The following COPA variants were observed in gnomAD, a reference collection of about 807,000 sequenced individuals.
COPA encodes coatomer subunit alpha.
In COPA, 10 loss-of-function variants were observed where a neutral mutation model predicts 158.7. The ratio of observed to expected loss-of-function variants is 0.06; its 90% CI spans 0.04 to 0.11. The LOEUF (loss-of-function observed/expected upper bound fraction) is 0.11, where lower values mean the gene tolerates loss of function less well. COPA is among the 10% of genes least tolerant of loss of function. The pLI, the probability that COPA is intolerant of heterozygous loss-of-function variation, is 1.00. For synonymous variants in COPA, 462 were observed against 542.8 expected, an observed-to-expected ratio of 0.85 and a Z score of 2.07; for missense variants, 1,065 against 1,536.7, an observed-to-expected ratio of 0.69 and a Z score of 5.13.
chr1:160,294,468 T>A lies in COPA; in HGVS notation c.2676+16A>T, dbSNP rs1394242285. 1.2e-6 allele frequency: 2 copies of A among 1,609,804 alleles called. No homozygotes were observed. The highest frequency in any genetic ancestry group is 8.5e-7 in the Non-Finnish European group (1 of 1,176,236). Reference sequence around the variant, plus strand: ...AGATACGGAGAGAACCTTCTAAGGGTACAAATTCCACATACCAGCTCAGGA... The same window carrying A: ...AGATACGGAGAGAACCTTCTAAGGGAACAAATTCCACATACCAGCTCAGGA... On this transcript the variant is annotated intron_variant, in intron 25 of 32. Transcript: ENST00000241704.
intron 6 of COPA, among the ~76,000 whole-genome samples, chr1:160,329,886 CT>C (rs1647422277): frequency 6.6e-6 from 1 of 152,058 alleles, no homozygotes; most frequent in East Asian, 1.9e-4. Context: ...GCTGAGGCAG[CT>C]GGATCACTTG....
At chr1:160,290,264 G>T in intron 32 of COPA, 48 bp from the exon 33 acceptor site, 1 of 1,604,504 alleles carries the variant, frequency 6.2e-7, no homozygotes, top group Non-Finnish European at 8.5e-7. Flanking sequence ...GTAAGATTGA[G>T]AACCCTAGAA....
chr1:160,293,577 C>A, intron 25 of COPA, 114 bp from the exon 26 acceptor site: 2 of 770,200 alleles, frequency 2.6e-6, no homozygotes, highest in Non-Finnish European at 4.1e-6. Context: ...ACACTGCAAC[C>A]TCTGCCTCCC....
chr1:160,308,290 A>G (rs966597406), intron 13 of COPA, among the ~76,000 whole-genome samples: 2 of 152,200 alleles, frequency 1.3e-5, no homozygotes, highest in African/African-American at 4.8e-5. Flanking sequence ...TACCAAATAC[A>G]AATATCTTTT....
chr1:160,332,810 T>C (rs1046484291), intron 5 of COPA, among the ~76,000 whole-genome samples: 32 of 152,228 alleles, frequency 2.1e-4, no homozygotes, highest in African/African-American at 7.2e-4. Context: ...TACATAGCTC[T>C]TCTCTCAAAA....
At chr1:160,327,263 G>A (rs556383283) in intron 6 of COPA, among the ~76,000 whole-genome samples, 4 of 152,164 alleles carry the variant, frequency 2.6e-5, no homozygotes, top group East Asian at 3.9e-4. Context: ...AAGGCTGGGC[G>A]CAGTGGCTCA....
rs1443823199 is a variant in COPA, at chr1:160,335,350, A to T, written c.229-28T>A. The T allele has an allele frequency of 3.8e-6, 6 of 1,591,018 alleles. No homozygotes were observed. The Admixed American group carries it at 8.7e-5, about 23-fold the overall frequency. ...GCAAAGACAAATCAAACTAAGAAAC[A>T]GAAATAGTTATTGAGCCTCTAAAAG... is the stretch of plus-strand genomic sequence containing the variant. On this transcript the variant is annotated intron_variant, in intron 3 of 32. Coordinates refer to ENST00000241704, the MANE Select transcript of COPA (RefSeq NM_004371.4).
At chr1:160,337,235 G>A (rs1252649356) in intron 3 of COPA, among the ~76,000 whole-genome samples, 1 of 152,104 alleles carries the variant, frequency 6.6e-6, no homozygotes, top group African/African-American at 2.4e-5. Flanking sequence ...AACTTATAGG[G>A]GTTTTAGATG....
Position 160,314,068 on chromosome 1 carries a change from G to A in COPA, c.764C>T (p.Ala255Val), listed in dbSNP as rs1283789812. 2 of 1,613,716 alleles carry A rather than the reference G, an allele frequency of 1.2e-6. No individual in the cohort carries two copies. The highest frequency in any genetic ancestry group is 2.2e-5 in the East Asian group (1 of 44,854). Residue 255 changes from alanine (A) to valine (V), a missense_variant, in exon 9 of 33, where the codon GCC (alanine) becomes GTC (valine). This residue lies in a region of COPA where 980 missense variants were observed against 1,357.8 expected (regional missense o/e 0.72). Transcript: ENST00000241704. Reference protein sequence around the residue: ...CRGHYNNVSCAVFHPRQELIL... With the variant: ...CRGHYNNVSCVVFHPRQELIL... ...CAACTCTTGGCGAGGGTGGAAGACG[G>A]CACAAGATACATTGTTGTAATGGCC...
chr1:160,318,476 A>AAC (rs1659221480), intron 8 of COPA, among the ~76,000 whole-genome samples: 2 of 77,426 alleles, frequency 2.6e-5, no homozygotes, highest in Non-Finnish European at 4.4e-5. Flanking sequence ...TGTAAAAAAA[A>AAC]AAAAAAAAAA....
intron 3 of COPA, among the ~76,000 whole-genome samples, chr1:160,335,649 C>A (rs773982526): frequency 5.3e-5 from 8 of 151,774 alleles, no homozygotes; most frequent in Non-Finnish European, 8.8e-5. Context: ...TTTGGGAGGT[C>A]GAGGCGGGTG....
chr1:160,332,267 G>C lies in COPA; in HGVS notation c.496+181C>G, dbSNP rs140559618. Among the ~76,000 whole-genome samples, 87 of 152,250 alleles carry C rather than the reference G, an allele frequency of 5.7e-4. 1 individual carries two copies. Among genetic ancestry groups the C allele is most frequent in the African/African-American group, 2.0e-3 (83 of 41,550 alleles). On this transcript the variant is annotated intron_variant, in intron 6 of 32. Transcript: ENST00000241704. ...TTTTCTAGAGTTACCTCTTTTCTTA[G>C]AGAAGACTTCCAATATGAAGAACCA...
chr1:160,332,998 C>T (rs1186044048), intron 5 of COPA, among the ~76,000 whole-genome samples: 1 of 152,204 alleles, frequency 6.6e-6, no homozygotes, highest in Non-Finnish European at 1.5e-5. Context: ...AATCTTGGCT[C>T]ACTGCAACCT....
intron 1 of COPA, 125 bp from the exon 2 acceptor site, chr1:160,340,419 A>AT (rs1647984116): frequency 1.6e-6 from 1 of 634,366 alleles, no homozygotes; most frequent in South Asian, 1.9e-5. Flanking sequence ...ATGCTTGATG[A>AT]TTTTTTACTG....
intron 4 of COPA, among the ~76,000 whole-genome samples, chr1:160,334,185 G>T (rs1260376357): frequency 6.6e-6 from 1 of 152,122 alleles, no homozygotes; most frequent in Admixed American, 6.6e-5. Flanking sequence ...GTTGAGAAAA[G>T]GAAGTATTTC....
chr1:160,311,806 G>C (rs1431547013), intron 11 of COPA, 62 bp downstream of exon 11: 8 of 1,399,734 alleles, frequency 5.7e-6, no homozygotes, highest in Non-Finnish European at 7.6e-6. Context: ...AGTCTTGTTT[G>C]TGGGAGTTGT....
rs1658407252 is a variant in COPA, at chr1:160,296,227, C to T, written c.2264-78G>A. ...TGTGGTAAGCAACCTCTGAAATGGC[C>T]CCCCAGTAATCCCTGACTCCTGGTA... is the stretch of plus-strand genomic sequence containing the variant. On this transcript the variant is annotated intron_variant, in intron 21 of 32. Coordinates refer to ENST00000241704, the MANE Select transcript of COPA (RefSeq NM_004371.4). 7 of 1,222,890 alleles carry T rather than the reference C, an allele frequency of 5.7e-6. No individual in the cohort carries two copies. In the Admixed American group the frequency reaches 7.2e-5, roughly 12 times the overall value. The allele number at this position is 1,222,890 out of a possible 1,614,324, so 75.8% of individuals were successfully genotyped here. A position where few individuals can be genotyped will look rare whatever the true frequency, so the allele number is the denominator to read the frequency against.
chr1:160,333,783 C>A, intron 4 of COPA, 104 bp from the exon 5 acceptor site: 2 of 801,862 alleles, frequency 2.5e-6, no homozygotes, highest in Non-Finnish European at 2.0e-6. Flanking sequence ...AACGGCTCAG[C>A]TACATTAGCA....
intron 21 of COPA, 85 bp from the exon 22 acceptor site, chr1:160,296,234 T>A: frequency 8.9e-7 from 1 of 1,121,608 alleles, no homozygotes; most frequent in Non-Finnish European, 1.3e-6. Flanking sequence ...GGCCCCCCAG[T>A]AATCCCTGAC....
Sources: allele counts gnomAD v4.1 joint callset (sites outside exome capture counted in the v4.1 genomes callset), GRCh38; gene constraint gnomAD v4.1.1; regional missense constraint gnomAD v4.1.1; transcripts MANE v1.5; gene names NCBI Gene and HGNC (gene_info 2026-07-23, HGNC 2026-07-21).